SHB: variants seen among roughly 807,000 people sequenced by gnomAD.
SHB encodes the protein SH2 domain-containing adapter protein B.
In SHB, 20 loss-of-function variants were observed where a neutral mutation model predicts 52.3. The ratio of observed to expected loss-of-function variants is 0.38; its 90% CI spans 0.27 to 0.56. SHB has a LOEUF of 0.56. Ranked by LOEUF, SHB falls within the 20% of genes least tolerant of loss-of-function variation. SHB has a pLI of 0.71. For synonymous variants in SHB, 397 were observed against 316.5 expected, an observed-to-expected ratio of 1.25 and a Z score of -2.70; for missense variants, 825 against 723.3, an observed-to-expected ratio of 1.14 and a Z score of -1.61.
At chr9:37,976,519 C>A (rs73437917) in intron 2 of SHB, among the ~76,000 whole-genome samples, 2,559 of 152,290 alleles carry the variant, frequency 0.017, 65 homozygotes, top group African/African-American at 0.058. Flanking sequence ...TACCCTTCTA[C>A]TTTCTGTCTC....
At chr9:38,045,390 C>T (rs1221586172) in intron 1 of SHB, among the ~76,000 whole-genome samples, 1 of 151,976 alleles carries the variant, frequency 6.6e-6, no homozygotes, top group Non-Finnish European at 1.5e-5. Context: ...CACTTGAGGC[C>T]AGGAGTTCGA....
chr9:37,947,252 C>G (rs915308482), intron 5 of SHB, among the ~76,000 whole-genome samples: 2 of 152,320 alleles, frequency 1.3e-5, no homozygotes, highest in East Asian at 1.9e-4. Context: ...CTAGAAGTTC[C>G]CTCTGCATCC....
At chr9:37,922,216 A>C (rs1322855512) in intron 5 of SHB, among the ~76,000 whole-genome samples, 1 of 152,250 alleles carries the variant, frequency 6.6e-6, no homozygotes. Context: ...ATGAAGCTGC[A>C]GGGGAACAAG....
At chr9:37,976,670 G>A (rs7851957) in intron 2 of SHB, among the ~76,000 whole-genome samples, 77,898 of 151,604 alleles carry the variant, frequency 0.51, 20,001 homozygotes, top group East Asian at 0.75. Context: ...TATATTCACC[G>A]TCCATGTTGG....
chr9:37,956,391 C>T (rs1832635148), intron 3 of SHB, among the ~76,000 whole-genome samples: 1 of 152,134 alleles, frequency 6.6e-6, no homozygotes, highest in East Asian at 1.9e-4. Flanking sequence ...GTCCTCTGGA[C>T]AGTTCTCAGG....
At chr9:38,003,204 G>C (rs1821039824) in intron 2 of SHB, among the ~76,000 whole-genome samples, 1 of 151,922 alleles carries the variant, frequency 6.6e-6, no homozygotes, top group South Asian at 2.1e-4. Flanking sequence ...GGCAGGGATG[G>C]GCGAGCCAAA....
At chr9:37,996,634 C>A (rs1333007862) in intron 2 of SHB, among the ~76,000 whole-genome samples, 1 of 152,174 alleles carries the variant, frequency 6.6e-6, no homozygotes, top group Non-Finnish European at 1.5e-5. Context: ...TGGCTCTGGG[C>A]CAAGGTTGGA....
chr9:37,964,243 C>T (rs140773520), intron 3 of SHB, among the ~76,000 whole-genome samples: 11 of 152,280 alleles, frequency 7.2e-5, no homozygotes, highest in Admixed American at 2.6e-4. Context: ...TGAGGGGAGG[C>T]GGCCAGCGAC....
intron 5 of SHB, among the ~76,000 whole-genome samples, chr9:37,926,975 T>C (rs534253847): frequency 2.6e-5 from 4 of 152,348 alleles, no homozygotes; most frequent in Admixed American, 2.6e-4. Context: ...CCTTGGTCCA[T>C]GACTGGACTA....
At chr9:37,934,988 C>G (rs1317689575) in intron 5 of SHB, among the ~76,000 whole-genome samples, 1 of 152,166 alleles carries the variant, frequency 6.6e-6, no homozygotes, top group Non-Finnish European at 1.5e-5. Flanking sequence ...AAACACAGAT[C>G]CCACAGAAGT....
intron 2 of SHB, among the ~76,000 whole-genome samples, chr9:37,987,617 G>T (rs1246203486): frequency 1.3e-5 from 2 of 152,236 alleles, no homozygotes; most frequent in Non-Finnish European, 2.9e-5. Flanking sequence ...CTGTCAGTTG[G>T]TCATCAGTCA....
At chr9:37,971,623 G>A (rs1820591042) in intron 3 of SHB, among the ~76,000 whole-genome samples, 1 of 152,220 alleles carries the variant, frequency 6.6e-6, no homozygotes, top group Non-Finnish European at 1.5e-5. Flanking sequence ...AGGACCTACA[G>A]AGGCCAGTGA....
intron 1 of SHB, among the ~76,000 whole-genome samples, chr9:38,041,495 G>A (rs1821575831): frequency 1.3e-5 from 2 of 152,168 alleles, no homozygotes; most frequent in South Asian, 4.1e-4. Flanking sequence ...TTGCTAGGCT[G>A]GATGGGTGAT....
chr9:38,068,107 G>C lies in SHB; in HGVS notation c.539C>G (p.Ser180Cys). The change falls in exon 1 of 6, where the codon TCC becomes TGC. Residue 180 changes from serine (S) to cysteine (C), a missense_variant. Physicochemically the swap from Ser to Cys is moderately radical, Grantham distance 112. Transcript: ENST00000377707. ...CACTTTGATGAGGCGGTGCTTGGGG[G>C]AGATGTAGCGCACCTCGGCCGGCGT... ...PATPAEVRYI[S>C]PKHRLIKVES... is the part of the protein sequence containing the mutation. 2 of 1,482,482 alleles carry C rather than the reference G, an allele frequency of 1.3e-6. No individual in the cohort carries two copies. The highest frequency in any genetic ancestry group is 1.8e-6 in the Non-Finnish European group (2 of 1,128,446). The allele number at this position is 1,482,482 out of a possible 1,614,324, so 91.8% of individuals were successfully genotyped here. A position where few individuals can be genotyped will look rare whatever the true frequency, so the allele number is the denominator to read the frequency against.
chr9:37,924,250 G>C (rs749978478), intron 5 of SHB, among the ~76,000 whole-genome samples: 1 of 152,124 alleles, frequency 6.6e-6, no homozygotes, highest in African/African-American at 2.4e-5. Context: ...CAAATGTGCC[G>C]GGCACGCAGG....
chr9:38,065,108 T>C (rs1228681592), intron 1 of SHB, among the ~76,000 whole-genome samples: 1 of 152,060 alleles, frequency 6.6e-6, no homozygotes, highest in East Asian at 1.9e-4. Context: ...CCTCTAACAA[T>C]AGATAAAGAC....
At chr9:37,972,126 G>A (rs1470714277) in intron 3 of SHB, among the ~76,000 whole-genome samples, 1 of 152,220 alleles carries the variant, frequency 6.6e-6, no homozygotes, top group Non-Finnish European at 1.5e-5. Context: ...CAGGGGGTCA[G>A]TCCAGGGGAG....
chr9:37,919,767 T>G lies in SHB; in HGVS notation c.*54A>C. The G allele has an allele frequency of 6.7e-7, 1 of 1,494,016 alleles. No homozygotes were observed. The highest frequency in any genetic ancestry group is 9.3e-7 in the Non-Finnish European group (1 of 1,079,218). The allele number at this position is 1,494,016 out of a possible 1,614,324, so 92.5% of individuals were successfully genotyped here. A position where few individuals can be genotyped will look rare whatever the true frequency, so the allele number is the denominator to read the frequency against. On this transcript the variant is annotated 3_prime_UTR_variant, in exon 6 of 6. Transcript: ENST00000377707. ...TGGCTGGGCTGGTTGGTGGGGGGCC[T>G]CTGGCACCTCCAAGTCTCAGGCTCT...
At chr9:37,926,014 T>A (rs965318534) in intron 5 of SHB, among the ~76,000 whole-genome samples, 1 of 152,074 alleles carries the variant, frequency 6.6e-6, no homozygotes, top group Admixed American at 6.5e-5. Context: ...CCCACAGACA[T>A]GTACTTGCTT....
Sources: gnomAD v4.1 joint callset for allele counts (sites outside exome capture counted in the v4.1 genomes callset) on GRCh38, gnomAD v4.1.1 for gene constraint, MANE v1.5 for transcripts, NCBI Gene and HGNC (gene_info 2026-07-23, HGNC 2026-07-21) for gene names.